The following RTL4 variants were observed in gnomAD, a reference collection of about 807,000 sequenced individuals.
RTL4 encodes retrotransposon Gag-like protein 4.
In RTL4, 4 loss-of-function variants were observed where a neutral mutation model predicts 5.3. The observed-to-expected ratio is 0.75, with a 90% confidence interval of 0.37 to 1.72. The LOEUF (loss-of-function observed/expected upper bound fraction) is 1.72. Among genes scored for constraint, RTL4 ranks in the 40% most tolerant of loss-of-function variants. RTL4 has a pLI of 0.04. For missense variants in RTL4, 260 were observed against 227.1 expected (o/e 1.14, Z -0.93); for synonymous variants, 98 against 87.3 (o/e 1.12, Z -0.68).
At chrX:112,181,153 T>C in the RTL4 span, among the ~76,000 whole-genome samples, 2 of 111,717 alleles carry the variant, frequency 1.8e-5, no homozygotes, top group Admixed American at 1.9e-4. Flanking sequence ...CCTGCCCAGA[T>C]ACTACGCTTT....
the RTL4 span, among the ~76,000 whole-genome samples, chrX:112,142,262 G>A: frequency 1.8e-5 from 2 of 112,590 alleles, no homozygotes; most frequent in African/African-American, 6.5e-5. Flanking sequence ...TGAGGGTGAG[G>A]AGAGCAGAGA....
At chrX:112,447,927 C>G in the RTL4 span, among the ~76,000 whole-genome samples, 1 of 111,667 alleles carries the variant, frequency 9.0e-6, no homozygotes, top group African/African-American at 3.3e-5. Context: ...ATCTGTAAAT[C>G]TGAAAGAGGA....
the RTL4 span, among the ~76,000 whole-genome samples, chrX:112,163,223 T>A: frequency 1.8e-5 from 2 of 111,986 alleles, no homozygotes; most frequent in Non-Finnish European, 3.8e-5. Flanking sequence ...TATTTGAATG[T>A]TGGCTCTGTC....
At chrX:112,226,157 T>A in the RTL4 span, among the ~76,000 whole-genome samples, 11 of 112,114 alleles carry the variant, frequency 9.8e-5, no homozygotes, top group African/African-American at 3.2e-4. Flanking sequence ...AATGTAAGTG[T>A]CAGGGCTGGA....
chrX:112,167,338 T>C, the RTL4 span, among the ~76,000 whole-genome samples: 1 of 111,603 alleles, frequency 9.0e-6, no homozygotes, highest in African/African-American at 3.3e-5. Flanking sequence ...CCAAGCAAAT[T>C]GTGTTGGTAG....
chrX:112,239,417 C>T, the RTL4 span, among the ~76,000 whole-genome samples: 7 of 111,536 alleles, frequency 6.3e-5, no homozygotes, highest in Non-Finnish European at 9.4e-5. Flanking sequence ...TCTTTATTCC[C>T]ACCCAGCAAC....
chrX:112,258,047 A>G, the RTL4 span, among the ~76,000 whole-genome samples: 2 of 109,112 alleles, frequency 1.8e-5, no homozygotes, highest in Non-Finnish European at 3.8e-5. Flanking sequence ...TATTTATTCA[A>G]TCTTCTAACA....
At chrX:112,432,711 G>T in the RTL4 span, among the ~76,000 whole-genome samples, 1 of 97,411 alleles carries the variant, frequency 1.0e-5, no homozygotes, top group Non-Finnish European at 2.1e-5. Flanking sequence ...AGTTTCTTTT[G>T]CTGTGCAGAA....
chrX:112,404,241 T>TA, the RTL4 span, among the ~76,000 whole-genome samples: 1 of 112,220 alleles, frequency 8.9e-6, no homozygotes, highest in Non-Finnish European at 1.9e-5. Context: ...CACAATTACA[T>TA]TGTCGTATTC....
chrX:112,124,663 G>A, the RTL4 span, among the ~76,000 whole-genome samples: 13 of 102,806 alleles, frequency 1.3e-4, no homozygotes, highest in East Asian at 5.9e-4. Context: ...AACTCACACC[G>A]GGCCGGTTGT....
chrX:112,296,464 C>T, the RTL4 span, among the ~76,000 whole-genome samples: 1 of 111,223 alleles, frequency 9.0e-6, no homozygotes, highest in Non-Finnish European at 1.9e-5. Context: ...CTGTGACTTC[C>T]TACACCCACA....
At chrX:112,403,135 TC>T in the RTL4 span, among the ~76,000 whole-genome samples, 12 of 111,086 alleles carry the variant, frequency 1.1e-4, 1 homozygote, top group South Asian at 2.3e-3. Context: ...AATAAATGCA[TC>T]CCCCCCAACC....
At chrX:112,444,601 ACTT>A in the RTL4 span, among the ~76,000 whole-genome samples, 181 of 111,788 alleles carry the variant, frequency 1.6e-3, no homozygotes, top group Non-Finnish European at 2.1e-3. Context: ...ACTTAATATT[ACTT>A]CTTCTTTAAA....
the RTL4 span, among the ~76,000 whole-genome samples, chrX:112,159,182 C>T: frequency 8.9e-6 from 1 of 112,349 alleles, no homozygotes; most frequent in Non-Finnish European, 1.9e-5. Context: ...GCCTCTGTCA[C>T]ATTGATTGCA....
the RTL4 span, among the ~76,000 whole-genome samples, chrX:112,431,365 T>C: frequency 3.6e-5 from 4 of 112,204 alleles, no homozygotes; most frequent in Non-Finnish European, 5.6e-5. Context: ...AAGGGAATTT[T>C]CTACAGTATT....
At chrX:112,403,036 G>T in the RTL4 span, among the ~76,000 whole-genome samples, 1 of 111,726 alleles carries the variant, frequency 9.0e-6, no homozygotes, top group East Asian at 2.8e-4. Flanking sequence ...ATCACACTTT[G>T]CCCTGTTAAA....
At chrX:112,325,171 C>T in the RTL4 span, among the ~76,000 whole-genome samples, 1 of 111,822 alleles carries the variant, frequency 8.9e-6, no homozygotes, top group Non-Finnish European at 1.9e-5. Context: ...AATGGAAGAA[C>T]ATTCCATGCT....
the RTL4 span, among the ~76,000 whole-genome samples, chrX:112,300,742 G>A: frequency 2.7e-5 from 3 of 112,283 alleles, no homozygotes; most frequent in South Asian, 7.3e-4. Flanking sequence ...AAACAGATTC[G>A]CATCCATCGT....
chrX:112,367,201 G>A, the RTL4 span, among the ~76,000 whole-genome samples: 1 of 111,504 alleles, frequency 9.0e-6, no homozygotes, highest in South Asian at 3.7e-4. Flanking sequence ...TAGCAGATTA[G>A]AAGCAGAAAA....
Sources: gnomAD v4.1 joint callset for allele counts (sites outside exome capture counted in the v4.1 genomes callset) on GRCh38, gnomAD v4.1.1 for gene constraint, MANE v1.5 for transcripts, NCBI Gene and HGNC (gene_info 2026-07-23, HGNC 2026-07-21) for gene names.